The following WNT7B variants were observed in gnomAD, a reference collection of about 807,000 sequenced individuals.
The protein encoded by WNT7B is Wnt family member 7B, also known as protein Wnt-7b.
In WNT7B, 19 loss-of-function variants were observed where a neutral mutation model predicts 38.2. That is an observed-to-expected ratio of 0.50 (90% CI 0.35 to 0.73). The LOEUF is 0.73. Among genes scored for constraint, WNT7B ranks in the 30% least tolerant of loss-of-function variants. WNT7B has a pLI of 0.01. For missense variants in WNT7B, 423 were observed against 507.9 expected, an observed-to-expected ratio of 0.83 and a Z score of 1.61; for synonymous variants, 243 against 209.3, an observed-to-expected ratio of 1.16 and a Z score of -1.39.
Position 45,934,099 on chromosome 22 carries a change from C to T in WNT7B, c.299-2730G>A, listed in dbSNP as rs147592938. Among the ~76,000 whole-genome samples the T allele has an allele frequency of 2.1e-3, 322 of 152,346 alleles. 3 individuals are homozygous for T. Among genetic ancestry groups the T allele is most frequent in the African/African-American group, 7.4e-3 (306 of 41,570 alleles). Reference sequence around the variant, plus strand: ...ATTTCACCTGGACGTTAGGATGAGGCGCGTCCAACCATGATTCCCGGTTTA... The same window carrying T: ...ATTTCACCTGGACGTTAGGATGAGGTGCGTCCAACCATGATTCCCGGTTTA... On this transcript the variant is annotated intron_variant, in intron 2 of 3. Transcript: ENST00000339464.
chr22:45,954,583 G>A (rs2146737223), intron 1 of WNT7B: 1 of 985,366 alleles, frequency 1.0e-6, no homozygotes, highest in East Asian at 1.1e-4. Flanking sequence ...AGAGCAGGGG[G>A]ACTAGAGCCC....
At chr22:45,964,428 C>CA (rs1932267697) in intron 1 of WNT7B, among the ~76,000 whole-genome samples, 1 of 152,178 alleles carries the variant, frequency 6.6e-6, no homozygotes, top group Non-Finnish European at 1.5e-5. Context: ...CAGCCCCCCC[C>CA]AGGCTGAGGG....
At chr22:45,952,324 C>T (rs553319275) in intron 1 of WNT7B, among the ~76,000 whole-genome samples, 1 of 152,340 alleles carries the variant, frequency 6.6e-6, no homozygotes, top group East Asian at 1.9e-4. Context: ...GTGCTGCAGC[C>T]GGGCTGCCAG....
chr22:45,949,623 C>T (rs528886742), intron 2 of WNT7B, among the ~76,000 whole-genome samples: 4 of 152,356 alleles, frequency 2.6e-5, no homozygotes, highest in Non-Finnish European at 4.4e-5. Flanking sequence ...AGCACCACCG[C>T]GCCACCAGCC....
At chr22:45,938,603 A>T (rs10429727) in intron 2 of WNT7B, among the ~76,000 whole-genome samples, 45,390 of 151,632 alleles carry the variant, frequency 0.3, 7,412 homozygotes, top group East Asian at 0.64. Flanking sequence ...TCACCACTGC[A>T]CTCCGGCCTG....
At chr22:45,924,861 G>C (rs1931031257) in intron 3 of WNT7B, among the ~76,000 whole-genome samples, 1 of 147,728 alleles carries the variant, frequency 6.8e-6, no homozygotes, top group Non-Finnish European at 1.5e-5. Flanking sequence ...AGTGGCAGGT[G>C]GGTGCTGGGT....
At chr22:45,923,842 T>A (rs9330787) in intron 3 of WNT7B, among the ~76,000 whole-genome samples, 49,253 of 152,100 alleles carry the variant, frequency 0.32, 9,232 homozygotes, top group African/African-American at 0.51. Flanking sequence ...GGAAGCCTGG[T>A]GTGCCGGTGG....
intron 2 of WNT7B, among the ~76,000 whole-genome samples, chr22:45,947,292 T>G (rs1931819243): frequency 6.6e-6 from 1 of 152,114 alleles, no homozygotes; most frequent in African/African-American, 2.4e-5. Flanking sequence ...TACTGCAGGT[T>G]TTGGAGGAAG....
intron 1 of WNT7B, among the ~76,000 whole-genome samples, chr22:45,968,325 G>A (rs1932357199): frequency 6.6e-6 from 1 of 152,146 alleles, no homozygotes; most frequent in Non-Finnish European, 1.5e-5. Context: ...GTTCCTGATA[G>A]CTGAGAATGG....
chr22:45,925,134 G>A (rs181583077), intron 3 of WNT7B: 124 of 967,508 alleles, frequency 1.3e-4, no homozygotes, highest in Non-Finnish European at 1.4e-4. Context: ...GCCCTAGGCT[G>A]GCAGGTGGGT....
At chr22:45,955,540 G>C (rs1255749329) in intron 1 of WNT7B, among the ~76,000 whole-genome samples, 1 of 152,194 alleles carries the variant, frequency 6.6e-6, no homozygotes, top group Non-Finnish European at 1.5e-5. Flanking sequence ...TTGCCTGGGT[G>C]CCCAGGGAAG....
chr22:45,960,680 A>T (rs1360965991), intron 1 of WNT7B, among the ~76,000 whole-genome samples: 1 of 152,194 alleles, frequency 6.6e-6, no homozygotes, highest in African/African-American at 2.4e-5. Flanking sequence ...ATATCTGAAG[A>T]ATGTTCCAAT....
intron 3 of WNT7B, chr22:45,925,688 T>G (rs1306145131): frequency 6.1e-6 from 6 of 985,356 alleles, no homozygotes; most frequent in Non-Finnish European, 7.2e-6. Flanking sequence ...CCTGGAAGTG[T>G]CCCTGGCCCT....
chr22:45,951,481 G>A lies in WNT7B; in HGVS notation c.72-1335C>T, dbSNP rs895932864. On this transcript the variant is annotated intron_variant, in intron 1 of 3. Coordinates refer to ENST00000339464, the MANE Select transcript of WNT7B (RefSeq NM_058238.3). This position sits in a 1 kb window ranked among gnomAD's most constrained non-coding sequence, Gnocchi z 4.8. ...TACATTCGGTGTTGTGCAACCTCCA[G>A]CACCGTCAGGTTCCCAGATATTTCT... Among the ~76,000 whole-genome samples, 1 of 152,096 alleles carries A rather than the reference G, an allele frequency of 6.6e-6. No homozygotes were observed. Among genetic ancestry groups the A allele is most frequent in the Non-Finnish European group, 1.5e-5 (1 of 68,022 alleles).
At chr22:45,972,116 G>GGGGGGGGGCCCCC in intron 1 of WNT7B, 1 of 530,746 alleles carries the variant, frequency 1.9e-6, no homozygotes, top group Non-Finnish European at 3.3e-6. Flanking sequence ...CCCGGGGGGA[G>GGGGGGGGGCCCCC]CCCACCCGCC....
chr22:45,948,033 G>C (rs1008276107), intron 2 of WNT7B, among the ~76,000 whole-genome samples: 1 of 152,226 alleles, frequency 6.6e-6, no homozygotes, highest in African/African-American at 2.4e-5. Context: ...CCAGCCCTCT[G>C]TCGAGCAGCA....
chr22:45,965,793 C>T lies in WNT7B; in HGVS notation c.71+10891G>A, dbSNP rs182514434. 1.2e-4 allele frequency among the ~76,000 whole-genome samples: 19 copies of T among 152,336 alleles called. No individual in the cohort carries two copies. In the East Asian group the frequency reaches 2.9e-3, roughly 23 times the overall value. ...GCAGCCCCTGCAACCTTGAGACCCT[C>T]GCTCAGGGCCCCGGGGACTCTTGGT... On this transcript the variant is annotated intron_variant, in intron 1 of 3. Coordinates refer to ENST00000339464, the MANE Select transcript of WNT7B (RefSeq NM_058238.3). This position sits in a 1 kb window ranked among gnomAD's most constrained non-coding sequence, Gnocchi z 6.5.
rs866256918 is a variant in WNT7B at position 45,932,539 on chromosome 22, G to A, written c.299-1170C>T. ...GACTTCCATATGGGTCCGAAGACCC[G>A]AGATGGGCAGGTTCAGCTCTCATTT... is the stretch of plus-strand genomic sequence containing the variant. On this transcript the variant is annotated intron_variant, in intron 2 of 3. Coordinates refer to ENST00000339464, the MANE Select transcript of WNT7B (RefSeq NM_058238.3). Among the ~76,000 whole-genome samples the A allele has an allele frequency of 2.4e-4, 36 of 152,230 alleles. 2 individuals are homozygous for A. In the Middle Eastern group the frequency reaches 0.02, roughly 86 times the overall value.
intron 1 of WNT7B, among the ~76,000 whole-genome samples, chr22:45,973,770 C>T (rs996367565): frequency 7.9e-5 from 12 of 152,204 alleles, no homozygotes; most frequent in South Asian, 2.1e-4. Context: ...GCCCTGACCC[C>T]TAAGGGCATT....
Sources: gnomAD v4.1 joint callset for allele counts (sites outside exome capture counted in the v4.1 genomes callset) on GRCh38, gnomAD v4.1.1 for gene constraint, Gnocchi (gnomAD v3.1) non-coding constraint, MANE v1.5 for transcripts, NCBI Gene and HGNC (gene_info 2026-07-23, HGNC 2026-07-21) for gene names.